MGAM: variants seen among roughly 807,000 people sequenced by gnomAD.
The protein encoded by MGAM is maltase-glucoamylase.
In MGAM, 253 loss-of-function variants were observed where a neutral mutation model predicts 358.8. The observed-to-expected ratio is 0.71, with a 90% CI of 0.64 to 0.78. The LOEUF (loss-of-function observed/expected upper bound fraction) is 0.78, where lower values mean the gene tolerates loss of function less well. Ranked by LOEUF, MGAM falls within the 30% of genes least tolerant of loss-of-function variation. The pLI is 0.00. For missense variants in MGAM, 3,080 were observed against 3,432.6 expected, an observed-to-expected ratio of 0.90 and a Z score of 2.57; for synonymous variants, 1,105 against 1,227.1, an observed-to-expected ratio of 0.90 and a Z score of 2.08.
chr7:142,059,989 A>G, intron 33 of MGAM, 23 bp downstream of exon 33: 1 of 1,571,274 alleles, frequency 6.4e-7, no homozygotes, highest in Non-Finnish European at 8.6e-7. Flanking sequence ...GCGATGATCC[A>G]CTAGTCCCCA....
chr7:142,076,706 T>G lies in MGAM; in HGVS notation c.5373T>G (p.Asn1791Lys), dbSNP rs1338804617. 1.3e-6 allele frequency: 2 copies of G among 1,552,268 alleles called. 1 individual carries two copies. Among genetic ancestry groups the G allele is most frequent in the Admixed American group, 3.4e-5 (2 of 58,314 alleles). The part of the protein sequence containing the change: ...TISQSTYKDP[N>K]NLAFNEIKIL... ...CACAATCAACCTACAAGGACCCCAA[T>G]AATTTAGCATTCAATGAGATTAAAA... The change falls in exon 47 of 71, where the codon AAT (asparagine) becomes AAG (lysine). Residue 1791 changes from asparagine (N) to lysine (K), a missense_variant. Transcript: ENST00000475668.
In MGAM at chr7:142,050,658, A is replaced by C. The variant is rs751021546; in HGVS notation, c.2638-39A>C. ...GTGACTTGAGAATCTGTGTATACTC[A>C]TATACCTTTATGCATACTTGGACTT... is the stretch of plus-strand genomic sequence containing the variant. On this transcript the variant is annotated intron_variant, in intron 23 of 70. Coordinates refer to ENST00000475668, the MANE Select transcript of MGAM (RefSeq NM_001365693.1). The C allele has an allele frequency of 3.2e-6, 5 of 1,581,958 alleles. No homozygotes were observed. In the African/African-American group the frequency reaches 5.4e-5, roughly 17 times the overall value.
intron 2 of MGAM, among the ~76,000 whole-genome samples, chr7:142,007,374 G>T (rs1447123485): frequency 2.0e-5 from 3 of 151,944 alleles, no homozygotes; most frequent in Admixed American, 2.0e-4. Context: ...GATTCATCTA[G>T]GATCAACTTC....
At position 142,076,184 on chromosome 7, in the gene MGAM, G is replaced by A; in HGVS notation, c.5276-19G>A. The A allele has an allele frequency of 6.5e-7, 1 of 1,535,668 alleles. No individual in the cohort carries two copies. On this transcript the variant is annotated intron_variant, in intron 45 of 70. Transcript: ENST00000475668. ...TGGTGGGCAAGCCGGAGTCTGACTT[G>A]TCTTTCTGTCACTTTCAGATACTGT...
Position 142,070,966 on chromosome 7 carries a change from A to G in MGAM, c.5062-28A>G, listed in dbSNP as rs767199937. On this transcript the variant is annotated intron_variant, in intron 43 of 70. Coordinates refer to ENST00000475668, the MANE Select transcript of MGAM (RefSeq NM_001365693.1). ...CAGGGAGGGGCCTGTCCTCTCCTTC[A>G]TCATCTTTTACCTTCTTCTGCCCCC... The G allele has an allele frequency of 8.4e-6, 13 of 1,555,122 alleles. 2 individuals are homozygous for G. The highest frequency in any genetic ancestry group is 6.7e-5 in the South Asian group (6 of 89,136).
intron 19 of MGAM, among the ~76,000 whole-genome samples, chr7:142,039,614 T>C (rs1469956065): frequency 6.6e-6 from 1 of 152,056 alleles, no homozygotes; most frequent in Non-Finnish European, 1.5e-5. Context: ...CTATTTGTTG[T>C]TGGATTCTCA....
rs374510544 is a variant in MGAM, at chr7:142,054,768, C to G, written c.3174C>G (p.Asn1058Lys). 1.9e-6 allele frequency: 3 copies of G among 1,613,806 alleles called. No individual in the cohort carries two copies. The highest frequency in any genetic ancestry group is 1.1e-5 in the South Asian group (1 of 91,064). ...CTCTGGCCTAGATTTATGATCCCAA[C>G]AAGAATCGGTATGAAGTTCCAGTCC... ...EMLQFKIYDP[N>K]KNRYEVPVPL... is the part of the protein sequence containing the mutation. The change falls in exon 27 of 71, where the codon AAC (asparagine) becomes AAG (lysine). Residue 1058 changes from asparagine (N) to lysine (K), a missense_variant. This residue lies in a region of MGAM where 1,816 missense variants were observed against 1,840.5 expected (regional missense o/e 0.99). Coordinates refer to ENST00000475668, the MANE Select transcript of MGAM (RefSeq NM_001365693.1).
chr7:142,102,303 G>A (rs1816509947), intron 68 of MGAM, among the ~76,000 whole-genome samples: 1 of 152,086 alleles, frequency 6.6e-6, no homozygotes. Flanking sequence ...GAAGATGCTG[G>A]GATGGTAGAC....
rs150841836 is a variant in MGAM at position 142,035,755 on chromosome 7, C to T, written c.1960-414C>T. Among the ~76,000 whole-genome samples, 342 of 151,984 alleles carry T rather than the reference C, an allele frequency of 2.3e-3. 2 individuals are homozygous for T. The highest frequency in any genetic ancestry group is 7.0e-3 in the African/African-American group (289 of 41,472). On this transcript the variant is annotated intron_variant, in intron 16 of 70. Transcript: ENST00000475668. ...TAAAAGGTTGAACAGCAAGGAAGTC[C>T]CGGAGATTTTTTAATAGGTGAGTGA...
intron 3 of MGAM, among the ~76,000 whole-genome samples, chr7:142,014,234 C>A (rs1805803640): frequency 6.6e-6 from 1 of 152,132 alleles, no homozygotes; most frequent in Non-Finnish European, 1.5e-5. Context: ...CATTTTTCAG[C>A]AGTTCTGTAG....
At chr7:142,067,983 T>TAAAA (rs1812980242) in intron 42 of MGAM, among the ~76,000 whole-genome samples, 2 of 5,356 alleles carry the variant, frequency 3.7e-4, no homozygotes, top group Non-Finnish European at 7.6e-4. Flanking sequence ...TATATATATA[T>TAAAA]ATATTTTTTT....
intron 41 of MGAM, 72 bp downstream of exon 41, chr7:142,066,793 C>T (rs1395302937): frequency 6.9e-7 from 1 of 1,454,512 alleles, no homozygotes; most frequent in Non-Finnish European, 9.4e-7. Context: ...AGTTGATATA[C>T]ACAACGCTTC....
chr7:142,103,508 C>A, intron 70 of MGAM, 69 bp downstream of exon 70: 1 of 1,367,778 alleles, frequency 7.3e-7, no homozygotes, highest in African/African-American at 1.5e-5. Context: ...TGCCTGACTG[C>A]TTCCCTTCCA....
Position 142,082,349 on chromosome 7 carries a change from G to A in MGAM, c.6172-126G>A, listed in dbSNP as rs1814385021. ...AGTGGGCCAATTCTCAGGCTCCTTTGTTTCATGTGTTTAATTGATTTCATG... is the reference window on the plus strand; with the variant it reads ...AGTGGGCCAATTCTCAGGCTCCTTTATTTCATGTGTTTAATTGATTTCATG... On this transcript the variant is annotated intron_variant, in intron 51 of 70. Transcript: ENST00000475668. 2.3e-6 allele frequency: 3 copies of A among 1,277,562 alleles called. 1 individual carries two copies. The highest frequency in any genetic ancestry group is 1.1e-6 in the Non-Finnish European group (1 of 915,580). The allele number at this position is 1,277,562 out of a possible 1,614,324, so 79.1% of individuals were successfully genotyped here. A position where few individuals can be genotyped will look rare whatever the true frequency, so the allele number is the denominator to read the frequency against.
intron 21 of MGAM, among the ~76,000 whole-genome samples, chr7:142,044,054 TATACAC>T (rs1346389215): frequency 1.9e-4 from 26 of 139,436 alleles, no homozygotes; most frequent in Non-Finnish European, 3.2e-4. Flanking sequence ...ATATACATTA[TATACAC>T]ATACGACGTA....
intron 9 of MGAM, 131 bp from the exon 10 acceptor site, chr7:142,027,479 C>G (rs1316084200): frequency 1.4e-5 from 15 of 1,073,820 alleles, no homozygotes; most frequent in African/African-American, 3.2e-5. Context: ...GAAAAATAGA[C>G]TAACATTCTA....
chr7:142,097,001 T>C (rs1815977852), intron 65 of MGAM, among the ~76,000 whole-genome samples: 1 of 151,478 alleles, frequency 6.6e-6, no homozygotes, highest in Non-Finnish European at 1.5e-5. Context: ...CTATGTCAGC[T>C]CAGTGCAACC....
intron 57 of MGAM, among the ~76,000 whole-genome samples, chr7:142,088,527 T>C (rs1182307543): frequency 1.4e-5 from 2 of 144,676 alleles, no homozygotes; most frequent in Non-Finnish European, 3.1e-5. Flanking sequence ...AATGTATTAA[T>C]TCATCCACCC....
chr7:141,998,342 AC>A (rs1401640700), intron 1 of MGAM, among the ~76,000 whole-genome samples: 1 of 152,064 alleles, frequency 6.6e-6, no homozygotes, highest in East Asian at 1.9e-4. Flanking sequence ...GCACCTGTCA[AC>A]CCATCATCTA....
Sources: gnomAD v4.1 joint callset for allele counts (sites outside exome capture counted in the v4.1 genomes callset) on GRCh38, gnomAD v4.1.1 for gene constraint, gnomAD v4.1.1 regional missense constraint, MANE v1.5 for transcripts, NCBI Gene and HGNC (gene_info 2026-07-23, HGNC 2026-07-21) for gene names.